Variants in EVC2 observed in about 807,000 individuals in gnomAD.
The protein encoded by EVC2 is EvC ciliary complex subunit 2.
Under a neutral mutation model 149.3 loss-of-function variants are expected in EVC2, and 148 were observed. The observed-to-expected ratio is 0.99, with a 90% CI of 0.87 to 1.14. The LOEUF (loss-of-function observed/expected upper bound fraction) is 1.14. Ranked by LOEUF, EVC2 falls within the 50% of genes most tolerant of loss-of-function variation. EVC2 has a pLI of 0.00. For missense variants in EVC2, 1,854 were observed against 1,627.3 expected, an observed-to-expected ratio of 1.14 and a Z score of -2.40; for synonymous variants, 776 against 649.9, an observed-to-expected ratio of 1.19 and a Z score of -2.95.
intron 5 of EVC2, among the ~76,000 whole-genome samples, 196 bp downstream of exon 5, chr4:5,688,961 G>A (rs1720914031): frequency 6.6e-6 from 1 of 152,118 alleles, no homozygotes. Flanking sequence ...GAGAAATTCA[G>A]CTTTTTGGTT....
intron 9 of EVC2, among the ~76,000 whole-genome samples, chr4:5,660,419 T>A (rs1043220984): frequency 2.0e-5 from 3 of 152,208 alleles, no homozygotes; most frequent in African/African-American, 7.2e-5. Flanking sequence ...TCAGGCCAGT[T>A]AAGTAGTTGC....
Position 5,614,876 on chromosome 4 carries a change from G to C in EVC2, c.2829+546C>G, listed in dbSNP as rs10032155. Among the ~76,000 whole-genome samples the C allele has an allele frequency of 0.37, 56,153 of 151,754 alleles. 11,535 individuals are homozygous for C. The highest frequency in any genetic ancestry group is 0.6 in the East Asian group (3,096 of 5,128). ...CCTGTAATCCCAGCTACTCGGAAGG[G>C]TGAGGCAGAAGAATCACTTGAACCC... On this transcript the variant is annotated intron_variant, in intron 16 of 21. Transcript: ENST00000344408. The surrounding 1 kb of genome is among the most constrained non-coding windows in gnomAD (Gnocchi z 4.7).
At chr4:5,687,129 C>T (rs576281425) in intron 5 of EVC2, among the ~76,000 whole-genome samples, 6 of 152,156 alleles carry the variant, frequency 3.9e-5, no homozygotes, top group East Asian at 3.9e-4. Flanking sequence ...TGGTGGCACA[C>T]GCCTGTAGAC....
chr4:5,658,259 G>C (rs1718657611), intron 9 of EVC2, among the ~76,000 whole-genome samples: 1 of 152,168 alleles, frequency 6.6e-6, no homozygotes, highest in African/African-American at 2.4e-5. Flanking sequence ...TTTTTTAAAA[G>C]TACTGCTTGC....
intron 9 of EVC2, among the ~76,000 whole-genome samples, chr4:5,651,159 T>C (rs1422695650): frequency 4.6e-5 from 7 of 151,852 alleles, no homozygotes; most frequent in African/African-American, 1.7e-4. Flanking sequence ...GATGTATGAA[T>C]GGAGGAATGC....
intron 21 of EVC2, among the ~76,000 whole-genome samples, chr4:5,552,905 A>G (rs147076874): frequency 1.1e-3 from 166 of 152,374 alleles, no homozygotes; most frequent in African/African-American, 3.7e-3. Context: ...CTATCAGAGC[A>G]GGAAAAGAGG....
At chr4:5,659,688 C>T (rs962781415) in intron 9 of EVC2, among the ~76,000 whole-genome samples, 2 of 152,118 alleles carry the variant, frequency 1.3e-5, no homozygotes, top group African/African-American at 4.8e-5. Flanking sequence ...TTCAACATTC[C>T]TATTGTACTC....
Position 5,665,604 on chromosome 4 carries a change from A to G in EVC2, c.916T>C (p.Phe306Leu). The change falls in exon 8 of 22, where the codon TTC becomes CTC. Residue 306 changes from phenylalanine (F) to leucine (L), a missense_variant. Phe to Leu is a conservative substitution (Grantham distance 22). Coordinates refer to ENST00000344408, the MANE Select transcript of EVC2 (RefSeq NM_147127.5). Reference sequence around the variant, plus strand: ...CAGGTCAGCACAAGGGAGAGGAGGAAGGCAATGAAGAACCCTGCTGCGTGG... The same window carrying G: ...CAGGTCAGCACAAGGGAGAGGAGGAGGGCAATGAAGAACCCTGCTGCGTGG... ...GLHAAGFFIA[F>L]LLSLVLTWAA... 1 of 1,614,222 alleles carries G rather than the reference A, an allele frequency of 6.2e-7. No homozygotes were observed. The highest frequency in any genetic ancestry group is 8.5e-7 in the Non-Finnish European group (1 of 1,180,034).
At chr4:5,695,406 G>A (rs567584550) in intron 2 of EVC2, among the ~76,000 whole-genome samples, 5 of 152,098 alleles carry the variant, frequency 3.3e-5, no homozygotes, top group African/African-American at 1.2e-4. Flanking sequence ...TTTTCTCTGT[G>A]TCAATACATT....
chr4:5,680,396 C>T (rs985656076), intron 7 of EVC2, among the ~76,000 whole-genome samples: 3 of 152,166 alleles, frequency 2.0e-5, no homozygotes, highest in African/African-American at 7.2e-5. Flanking sequence ...CACCATGCTA[C>T]GATGGATATT....
chr4:5,697,746 C>CTTTT, intron 1 of EVC2, 99 bp from the exon 2 acceptor site: 116 of 813,748 alleles, frequency 1.4e-4, no homozygotes, highest in Middle Eastern at 2.7e-4. Context: ...AGGACATGCA[C>CTTTT]TTTTTTTTTT....
intron 1 of EVC2, among the ~76,000 whole-genome samples, chr4:5,699,123 G>A (rs772621224): frequency 7.2e-5 from 11 of 152,170 alleles, no homozygotes; most frequent in Admixed American, 2.0e-4. Context: ...GCCCACCCAC[G>A]GAGATGGAGA....
chr4:5,640,665 T>A lies in EVC2; in HGVS notation c.1319A>T (p.Glu440Val), dbSNP rs1027714239. The A allele has an allele frequency of 1.9e-6, 3 of 1,614,060 alleles. No homozygotes were observed. The Admixed American group carries it at 5.0e-5, about 27-fold the overall frequency. ...ATCGTACTCCTCTTGTATTTCATTT[T>A]CCAGCAATAGAAACTGCTTTTTGAA... is the stretch of plus-strand genomic sequence containing the variant. ...AVFKKQFLLL[E>V]NEIQEEYDRK... The change falls in exon 10 of 22, where the codon GAA becomes GTA. Residue 440 changes from glutamate to valine, a missense_variant. Glu to Val is a moderately radical substitution (Grantham distance 121). Coordinates refer to ENST00000344408, the MANE Select transcript of EVC2 (RefSeq NM_147127.5). This position sits in a 1 kb window ranked among gnomAD's most constrained non-coding sequence, Gnocchi z 4.6.
intron 6 of EVC2, among the ~76,000 whole-genome samples, chr4:5,681,905 T>C (rs1720370800): frequency 6.6e-6 from 1 of 152,176 alleles, no homozygotes; most frequent in South Asian, 2.1e-4. Flanking sequence ...GCAGAATAGC[T>C]TGCCACTGAC....
intron 13 of EVC2, among the ~76,000 whole-genome samples, chr4:5,624,225 G>A (rs926645375): frequency 1.3e-4 from 20 of 152,188 alleles, no homozygotes; most frequent in African/African-American, 4.3e-4. Context: ...CCATTATGGT[G>A]TTCTTTATAA....
At chr4:5,615,578 G>A in intron 15 of EVC2, 34 bp from the exon 16 acceptor site, 1 of 1,614,058 alleles carries the variant, frequency 6.2e-7, no homozygotes, top group Admixed American at 1.7e-5. Flanking sequence ...TGGGTAAGAA[G>A]GCAATCACCA....
At position 5,663,197 on chromosome 4, in the gene EVC2, T is replaced by C. The variant is rs1328901438; in HGVS notation, c.1055A>G (p.Asp352Gly). 1 of 1,614,170 alleles carries C rather than the reference T, an allele frequency of 6.2e-7. No homozygotes were observed. Among genetic ancestry groups the C allele is most frequent in the South Asian group, 1.1e-5 (1 of 91,076 alleles). ...AAGGGAAAGGTCCTCATTCACGCCA[T>C]CAGCTGAGGTGAACGGCAAGGGTTC... ...KLEPLPFTSA[D>G]GVNEDLSLND... The change falls in exon 9 of 22, where the codon GAT (aspartate) becomes GGT (glycine). Residue 352 changes from aspartate to glycine, a missense_variant. Physicochemically the swap from Asp to Gly is moderately conservative, Grantham distance 94. Coordinates refer to ENST00000344408, the MANE Select transcript of EVC2 (RefSeq NM_147127.5).
In EVC2 at chr4:5,628,661, C is replaced by A; in HGVS notation, c.1784G>T (p.Arg595Met). 1 of 1,613,898 alleles carries A rather than the reference C, an allele frequency of 6.2e-7. No homozygotes were observed. Among genetic ancestry groups the A allele is most frequent in the South Asian group, 1.1e-5 (1 of 91,056 alleles). Residue 595 changes from arginine to methionine, a missense_variant, in exon 12 of 22, where the codon AGG (arginine) becomes ATG (methionine). Coordinates refer to ENST00000344408, the MANE Select transcript of EVC2 (RefSeq NM_147127.5). ...CTGGAGGTTCTGGACCAGATATTCC[C>A]TGTGGCCAAATCTTTTACTTAGATG... is the stretch of plus-strand genomic sequence containing the variant. ...RYHLSKRFGH[R>M]EYLVQNLQSS... is the part of the protein sequence containing the mutation.
At chr4:5,548,101 G>A (rs1027234684) in intron 21 of EVC2, among the ~76,000 whole-genome samples, 4 of 151,972 alleles carry the variant, frequency 2.6e-5, no homozygotes, top group South Asian at 2.1e-4. Context: ...TGGACCCCTC[G>A]CTGGTTCACT....
Sources: allele counts gnomAD v4.1 joint callset (sites outside exome capture counted in the v4.1 genomes callset), GRCh38; gene constraint gnomAD v4.1.1; non-coding constraint Gnocchi (gnomAD v3.1); transcripts MANE v1.5; gene names NCBI Gene and HGNC (gene_info 2026-07-23, HGNC 2026-07-21).